TMTC4: variants seen among roughly 807,000 people sequenced by gnomAD.
TMTC4 encodes the protein transmembrane O-mannosyltransferase targeting cadherins 4.
A neutral mutation model predicts 86.0 loss-of-function variants in TMTC4; 65 were observed. The observed-to-expected ratio is 0.76, with a 90% confidence interval of 0.62 to 0.93. The LOEUF (loss-of-function observed/expected upper bound fraction) is 0.93, where lower values mean the gene tolerates loss of function less well. TMTC4 is among the 40% of genes least tolerant of loss of function. TMTC4 has a pLI of 0.00. For missense variants in TMTC4, 866 were observed against 948.1 expected (o/e 0.91, Z 1.14); for synonymous variants, 379 against 382.5 (o/e 0.99, Z 0.11).
rs201925239 is a variant in TMTC4 at position 100,634,954 on chromosome 13, A to G, written c.1375-18T>C. 37 of 1,612,848 alleles carry G rather than the reference A, an allele frequency of 2.3e-5. No individual in the cohort carries two copies. Among genetic ancestry groups the G allele is most frequent in the Admixed American group, 5.0e-5 (3 of 59,880 alleles). On this transcript the variant is annotated intron_variant, in intron 11 of 18. Coordinates refer to ENST00000342624, the MANE Select transcript of TMTC4 (RefSeq NM_032813.5). The stretch of plus-strand genomic sequence containing the variant: ...ATGAGTTTCTTAAGAACAGAAAGAC[A>G]TGGTAATTGTCACCAGTGAGATGCA...
chr13:100,647,886 C>T (rs1883954311), intron 6 of TMTC4, among the ~76,000 whole-genome samples: 1 of 152,192 alleles, frequency 6.6e-6, no homozygotes, highest in African/African-American at 2.4e-5. Context: ...CTAGAAAACA[C>T]AGCCTTCAGG....
chr13:100,620,740 C>T (rs760043407), intron 15 of TMTC4, among the ~76,000 whole-genome samples: 1 of 152,116 alleles, frequency 6.6e-6, no homozygotes, highest in Non-Finnish European at 1.5e-5. Context: ...CTTCCTATTC[C>T]ACAAGAGAAC....
At chr13:100,611,129 C>T (rs912831089) in intron 17 of TMTC4, among the ~76,000 whole-genome samples, 2 of 152,198 alleles carry the variant, frequency 1.3e-5, no homozygotes, top group African/African-American at 4.8e-5. Context: ...GTGAATAACA[C>T]TGGACAGATA....
chr13:100,625,934 A>G (rs759929627), intron 13 of TMTC4, 42 bp from the exon 14 acceptor site: 5 of 1,602,042 alleles, frequency 3.1e-6, no homozygotes, highest in Non-Finnish European at 4.3e-6. Context: ...TAAATGCTCA[A>G]TAGTAAGTTT....
chr13:100,667,738 C>T (rs1886562787), intron 3 of TMTC4, among the ~76,000 whole-genome samples: 1 of 152,168 alleles, frequency 6.6e-6, no homozygotes, highest in African/African-American at 2.4e-5. Flanking sequence ...GTCTTCTTCA[C>T]TGGCTAAGGA....
At chr13:100,669,697 G>C (rs1436645018) in intron 2 of TMTC4, among the ~76,000 whole-genome samples, 1 of 152,084 alleles carries the variant, frequency 6.6e-6, no homozygotes, top group Non-Finnish European at 1.5e-5. Context: ...TTAACGCCCA[G>C]TGGTCAGCGG....
Position 100,668,648 on chromosome 13 carries a change from A to G in TMTC4, c.150T>C (p.Ile50=). 1.2e-6 allele frequency: 2 copies of G among 1,614,246 alleles called. No homozygotes were observed. The highest frequency in any genetic ancestry group is 1.7e-6 in the Non-Finnish European group (2 of 1,180,052). Reference sequence around the variant, plus strand: ...CATCATAGCTGCGTGCAAAACACACAATGGCAACCGATCCCACTACTAACT... The same window carrying G: ...CATCATAGCTGCGTGCAAAACACACGATGGCAACCGATCCCACTACTAACT... The part of the protein sequence containing the change: ...WAKLVVGSVA[I]VCFARSYDGD... The change falls in exon 3 of 19, where the codon ATT becomes ATC. Residue 50 remains isoleucine, a synonymous_variant. Coordinates refer to ENST00000342624, the MANE Select transcript of TMTC4 (RefSeq NM_032813.5).
Position 100,614,937 on chromosome 13 carries a change from G to A in TMTC4, c.1837-507C>T, listed in dbSNP as rs901253884. On this transcript the variant is annotated intron_variant, in intron 15 of 18. Transcript: ENST00000342624. ...CTATGTGTCCAATTCACCTTGTGAA[G>A]GGTGGTCTCAGGGCCTCTTCCTGCC... 16 of 985,150 alleles carry A rather than the reference G, an allele frequency of 1.6e-5. No individual in the cohort carries two copies. In the African/African-American group the frequency reaches 2.4e-4, roughly 15 times the overall value. The allele number at this position is 985,150 out of a possible 1,614,324, so 61.0% of individuals were successfully genotyped here. A position where few individuals can be genotyped will look rare whatever the true frequency, so the allele number is the denominator to read the frequency against.
intron 17 of TMTC4, among the ~76,000 whole-genome samples, chr13:100,608,772 G>A (rs1039496995): frequency 2.0e-5 from 3 of 152,160 alleles, no homozygotes; most frequent in Admixed American, 6.5e-5. Flanking sequence ...TAATGCCAAT[G>A]AACCAATAAA....
chr13:100,661,296 T>C (rs2786933), intron 5 of TMTC4, among the ~76,000 whole-genome samples: 107,511 of 152,144 alleles, frequency 0.71, 39,082 homozygotes, highest in East Asian at 0.96. Context: ...AATGTGTGCG[T>C]GTGAGTGTGT....
At chr13:100,613,592 C>G (rs190839137) in intron 16 of TMTC4, among the ~76,000 whole-genome samples, 7 of 152,268 alleles carry the variant, frequency 4.6e-5, no homozygotes, top group African/African-American at 1.7e-4. Flanking sequence ...TTCTTGCTCA[C>G]TTCTGAGTGC....
intron 15 of TMTC4, chr13:100,624,576 AAAC>A (rs1880157644): frequency 2.8e-4 from 2 of 7,082 alleles, no homozygotes; most frequent in Non-Finnish European, 1.0e-3. Flanking sequence ...AAAACAAAAC[AAAC>A]AAACAAACAA....
chr13:100,665,085 T>C (rs1372966006), intron 3 of TMTC4, among the ~76,000 whole-genome samples: 1 of 152,182 alleles, frequency 6.6e-6, no homozygotes, highest in African/African-American at 2.4e-5. Flanking sequence ...AAAACCTTAA[T>C]TTTTCCAGAC....
chr13:100,663,275 A>G, intron 4 of TMTC4, 95 bp from the exon 5 acceptor site: 1 of 1,100,380 alleles, frequency 9.1e-7, no homozygotes, highest in Non-Finnish European at 1.4e-6. Flanking sequence ...TGGAAATATT[A>G]AAAGGAGAAG....
intron 13 of TMTC4, 51 bp downstream of exon 13, chr13:100,626,020 A>T (rs1489124872): frequency 3.1e-6 from 5 of 1,609,272 alleles, no homozygotes; most frequent in Non-Finnish European, 4.3e-6. Flanking sequence ...CATATTAGAA[A>T]GTGAAAACGA....
intron 1 of TMTC4, among the ~76,000 whole-genome samples, chr13:100,671,443 C>A (rs542160789): frequency 4.6e-5 from 7 of 152,214 alleles, no homozygotes; most frequent in African/African-American, 1.7e-4. Flanking sequence ...AGAACATAAA[C>A]GTGTTCTAAG....
At chr13:100,662,498 T>C (rs2786935) in intron 5 of TMTC4, among the ~76,000 whole-genome samples, 107,859 of 151,866 alleles carry the variant, frequency 0.71, 39,287 homozygotes, top group East Asian at 0.96. Context: ...ATAACAAGCA[T>C]GTTAAGTCTA....
Position 100,630,535 on chromosome 13 carries a change from T to C in TMTC4, c.1506+4270A>G, listed in dbSNP as rs149024433. Among the ~76,000 whole-genome samples, 505 of 152,244 alleles carry C rather than the reference T, an allele frequency of 3.3e-3. 3 individuals carry two copies. The highest frequency in any genetic ancestry group is 0.012 in the African/African-American group (489 of 41,542). ...TGTTGAGAAAAGTGCTCTAAATGAT[T>C]AGAATTTGAGCTTCCCCCAACCCAG... On this transcript the variant is annotated intron_variant, in intron 12 of 18. Transcript: ENST00000342624.
intron 14 of TMTC4, 31 bp from the exon 15 acceptor site, chr13:100,625,707 A>G (rs777799448): frequency 2.5e-6 from 4 of 1,611,486 alleles, no homozygotes; most frequent in South Asian, 2.2e-5. Flanking sequence ...AAGATAAACA[A>G]GAAGATGAAA....
Sources: gnomAD v4.1 joint callset for allele counts (sites outside exome capture counted in the v4.1 genomes callset) on GRCh38, gnomAD v4.1.1 for gene constraint, MANE v1.5 for transcripts, NCBI Gene and HGNC (gene_info 2026-07-23, HGNC 2026-07-21) for gene names.